AVEN: variants seen among roughly 807,000 people sequenced by gnomAD.
The protein encoded by AVEN is cell death regulator Aven.
In AVEN, 41 loss-of-function variants were observed where a neutral mutation model predicts 38.1. The ratio of observed to expected loss-of-function variants is 1.08; its 90% confidence interval spans 0.84 to 1.40. The LOEUF (loss-of-function observed/expected upper bound fraction) is 1.40. AVEN is among the 40% of genes most tolerant of loss of function. The probability of loss-of-function intolerance (pLI) is 0.00; values close to 1 mark genes in which losing one functional copy is unlikely to be tolerated. For missense variants in AVEN, 605 were observed against 438.8 expected (o/e 1.38, Z -3.38); for synonymous variants, 206 against 171.8 (o/e 1.20, Z -1.56).
At chr15:33,993,318 A>T (rs1261968065) in intron 2 of AVEN, among the ~76,000 whole-genome samples, 2 of 152,242 alleles carry the variant, frequency 1.3e-5, no homozygotes, top group African/African-American at 4.8e-5. Context: ...TTCAGAGACT[A>T]ACAGAAAGAG....
chr15:33,919,071 C>CCCA (rs1286278138), intron 2 of AVEN, among the ~76,000 whole-genome samples: 1 of 151,858 alleles, frequency 6.6e-6, no homozygotes, highest in African/African-American at 2.4e-5. Context: ...CAGGCACCTG[C>CCCA]CCATCACGCC....
intron 1 of AVEN, among the ~76,000 whole-genome samples, chr15:34,034,439 T>C (rs554368010): frequency 1.2e-5 from 1 of 82,146 alleles, no homozygotes; most frequent in South Asian, 4.8e-4. Flanking sequence ...AGACCCAGTT[T>C]CTTTTTTAAA....
chr15:34,026,450 T>C (rs138137118), intron 1 of AVEN, among the ~76,000 whole-genome samples: 2,336 of 152,218 alleles, frequency 0.015, 29 homozygotes, highest in Non-Finnish European at 0.022. Flanking sequence ...CAAGGGGAGA[T>C]ATGTTGAGAA....
At chr15:33,865,025 A>G (rs2153029064), downstream of AVEN, 1 of 769,054 alleles carries the variant, frequency 1.3e-6, no homozygotes, top group East Asian at 2.6e-5. Context: ...GCCTCATATA[A>G]ATTCACATCA....
intron 2 of AVEN, among the ~76,000 whole-genome samples, chr15:33,936,012 C>T (rs1894044927): frequency 6.6e-6 from 1 of 151,786 alleles, no homozygotes; most frequent in Admixed American, 6.6e-5. Flanking sequence ...TAAAATGAAT[C>T]GATTTCAAGA....
At chr15:34,023,659 T>C (rs1415011825) in intron 1 of AVEN, among the ~76,000 whole-genome samples, 1 of 152,178 alleles carries the variant, frequency 6.6e-6, no homozygotes, top group Non-Finnish European at 1.5e-5. Context: ...GTCCTATTCT[T>C]GCCCCTACTC....
chr15:34,013,956 G>C (rs1271694004), intron 1 of AVEN, among the ~76,000 whole-genome samples: 2 of 152,142 alleles, frequency 1.3e-5, no homozygotes, highest in Non-Finnish European at 2.9e-5. Flanking sequence ...AGAACAGAGG[G>C]AACTCACATT....
At chr15:33,974,600 A>G (rs1031638332) in intron 2 of AVEN, among the ~76,000 whole-genome samples, 3 of 152,210 alleles carry the variant, frequency 2.0e-5, no homozygotes, top group African/African-American at 7.2e-5. Context: ...TAGTCTGAAG[A>G]TGCTCAGGGT....
intron 2 of AVEN, among the ~76,000 whole-genome samples, chr15:33,950,609 T>G (rs1427715706): frequency 6.6e-6 from 1 of 152,124 alleles, no homozygotes; most frequent in Admixed American, 6.5e-5. Flanking sequence ...CATTCCTACC[T>G]ACAGCACCAA....
intron 2 of AVEN, among the ~76,000 whole-genome samples, chr15:33,905,582 T>C (rs1047729852): frequency 9.9e-5 from 15 of 152,214 alleles, no homozygotes; most frequent in African/African-American, 3.4e-4. Flanking sequence ...CCCAGCATTT[T>C]GGGAGGCCGA....
At position 33,867,725 on chromosome 15, in the gene AVEN, G is replaced by C; in HGVS notation, c.743C>G (p.Ala248Gly). ...GCCCAGCAACACAGGGCAGCCAGCA[G>C]CCACAGATTTCAGCTCAAAGATGGG... ...RGPIFELKSV[A>G]AGCPVLLGKD... is the part of the protein sequence containing the mutation. The change falls in exon 5 of 6, where the codon GCT becomes GGT. Residue 248 changes from alanine to glycine, a missense_variant. Coordinates refer to ENST00000306730, the MANE Select transcript of AVEN (RefSeq NM_020371.3). The C allele has an allele frequency of 6.2e-7, 1 of 1,614,170 alleles. No homozygotes were observed.
At chr15:34,042,378 AATAC>A (rs893753024), upstream of AVEN, among the ~76,000 whole-genome samples, 5 of 151,922 alleles carry the variant, frequency 3.3e-5, no homozygotes, top group African/African-American at 9.7e-5. Context: ...GCATATTTTT[AATAC>A]ATACATGACC....
At chr15:33,992,483 T>A (rs536935633) in intron 2 of AVEN, among the ~76,000 whole-genome samples, 20 of 152,378 alleles carry the variant, frequency 1.3e-4, no homozygotes, top group Middle Eastern at 3.4e-3. Flanking sequence ...TCCTTGTTTT[T>A]ATTTTTTTGG....
At position 33,979,769 on chromosome 15, in the gene AVEN, C is replaced by G. The variant is rs75469750; in HGVS notation, c.445+23263G>C. On this transcript the variant is annotated intron_variant, in intron 2 of 5. Transcript: ENST00000306730. ...AAGTTCGTTAGGCATCCTCAGGAAT[C>G]GTAAAGGACACATGTAGAGAAACAC... 2.7e-3 allele frequency among the ~76,000 whole-genome samples: 410 copies of G among 152,210 alleles called. 13 individuals are homozygous for G. In the East Asian group the frequency reaches 0.073, roughly 27 times the overall value.
chr15:33,936,198 A>G (rs188197696), intron 2 of AVEN, among the ~76,000 whole-genome samples: 3 of 152,274 alleles, frequency 2.0e-5, no homozygotes, highest in Admixed American at 6.5e-5. Flanking sequence ...TGCAAAATCG[A>G]TAAGAAAAAG....
chr15:34,001,891 T>G (rs1004385779), intron 2 of AVEN, among the ~76,000 whole-genome samples: 4 of 152,220 alleles, frequency 2.6e-5, no homozygotes, highest in African/African-American at 9.6e-5. Context: ...ATCAAAGTCA[T>G]GAGGAAGAAA....
intron 2 of AVEN, among the ~76,000 whole-genome samples, chr15:33,910,103 C>T (rs1258221542): frequency 6.7e-6 from 1 of 148,172 alleles, no homozygotes; most frequent in Middle Eastern, 3.2e-3. Context: ...ACTCCAGCCC[C>T]AGCCTGGGTG....
At chr15:33,859,264 AATT>A (rs1375122574) in intron 11 of AVEN, among the ~76,000 whole-genome samples, 2 of 152,170 alleles carry the variant, frequency 1.3e-5, no homozygotes, top group African/African-American at 2.4e-5. Flanking sequence ...AATGAGGAAA[AATT>A]ATTATATGGC....
intron 2 of AVEN, among the ~76,000 whole-genome samples, chr15:33,955,484 A>T (rs1270832399): frequency 6.6e-6 from 1 of 152,216 alleles, no homozygotes; most frequent in Non-Finnish European, 1.5e-5. Context: ...ACCACACAGA[A>T]TTATAACGTC....
Sources: allele counts gnomAD v4.1 joint callset (sites outside exome capture counted in the v4.1 genomes callset), GRCh38; gene constraint gnomAD v4.1.1; transcripts MANE v1.5; gene names NCBI Gene and HGNC (gene_info 2026-07-23, HGNC 2026-07-21).